Variants in WDFY3 observed in about 807,000 individuals in gnomAD.
WDFY3 encodes WD repeat and FYVE domain-containing protein 3.
In WDFY3, 66 loss-of-function variants were observed where a neutral mutation model predicts 409.6. The ratio of observed to expected loss-of-function variants is 0.16; its 90% CI spans 0.13 to 0.20. The LOEUF (loss-of-function observed/expected upper bound fraction) is 0.20, where lower values mean the gene tolerates loss of function less well. Ranked by LOEUF, WDFY3 falls within the 10% of genes least tolerant of loss-of-function variation. The probability of loss-of-function intolerance (pLI) is 1.00; values close to 1 mark genes in which losing one functional copy is unlikely to be tolerated. For missense variants in WDFY3, 3,031 were observed against 4,298.1 expected, an observed-to-expected ratio of 0.71 and a Z score of 8.24; for synonymous variants, 1,521 against 1,537.1, an observed-to-expected ratio of 0.99 and a Z score of 0.25.
chr4:84,721,517 C>T lies in WDFY3; in HGVS notation c.7497G>A (p.Glu2499=), dbSNP rs1560598325. 2 of 1,611,918 alleles carry T rather than the reference C, an allele frequency of 1.2e-6. No individual in the cohort carries two copies. Among genetic ancestry groups the T allele is most frequent in the Non-Finnish European group, 1.7e-6 (2 of 1,180,028 alleles). ...GGTCTTGTAGCTGCTCCTGGTTCTC[C>T]TCATCTCCTCCATCAGGTGCAGATC... The part of the protein sequence containing the change: ...RSRSAPDGGD[E]ENQEQLQDQI... The change falls in exon 47 of 68, where the codon GAG becomes GAA. Residue 2499 remains glutamate, a synonymous_variant. Coordinates refer to ENST00000295888, the MANE Select transcript of WDFY3 (RefSeq NM_014991.6).
At chr4:84,749,694 G>A (rs1274014595) in intron 36 of WDFY3, among the ~76,000 whole-genome samples, 3 of 152,150 alleles carry the variant, frequency 2.0e-5, no homozygotes, top group African/African-American at 4.8e-5. Flanking sequence ...ATACACCAAG[G>A]CACTGTGCTA....
At chr4:84,746,526 T>G (rs980051383) in intron 36 of WDFY3, among the ~76,000 whole-genome samples, 21 of 152,172 alleles carry the variant, frequency 1.4e-4, no homozygotes, top group African/African-American at 5.1e-4. Context: ...TAACACTGGC[T>G]CAGTCATCAA....
At position 84,836,919 on chromosome 4, in the gene WDFY3, C is replaced by A. The variant is rs562711198; in HGVS notation, c.576+10G>T. 5 of 1,508,962 alleles carry A rather than the reference C, an allele frequency of 3.3e-6. No homozygotes were observed. The Admixed American group carries it at 8.1e-5, about 24-fold the overall frequency. 93.5% of individuals were successfully genotyped at this position (1,508,962 alleles called of 1,614,324 possible). On this transcript the variant is annotated intron_variant, in intron 7 of 67. Coordinates refer to ENST00000295888, the MANE Select transcript of WDFY3 (RefSeq NM_014991.6). Reference sequence around the variant, plus strand: ...ATAGGGTGGAGGTAGGCAAATAGCACCTTTCATACCTGTACAAAAACTTTC... The same window carrying A: ...ATAGGGTGGAGGTAGGCAAATAGCAACTTTCATACCTGTACAAAAACTTTC...
intron 46 of WDFY3, among the ~76,000 whole-genome samples, chr4:84,722,996 C>T (rs1735083857): frequency 6.6e-6 from 1 of 152,196 alleles, no homozygotes; most frequent in South Asian, 2.1e-4. Flanking sequence ...CTATGTCTAG[C>T]ATAATACCCT....
At chr4:84,737,391 C>T in intron 40 of WDFY3, 25 bp from the exon 41 acceptor site, 1 of 1,521,002 alleles carries the variant, frequency 6.6e-7, no homozygotes, top group Middle Eastern at 2.0e-4. Flanking sequence ...AACAAACAAA[C>T]AAAAAAGTAA....
intron 10 of WDFY3, among the ~76,000 whole-genome samples, chr4:84,822,556 G>A (rs1199612413): frequency 6.6e-6 from 1 of 151,972 alleles, no homozygotes; most frequent in Non-Finnish European, 1.5e-5. Context: ...AAATTTAGCT[G>A]GGGATGGTGG....
At chr4:84,869,192 T>C (rs79957484) in intron 3 of WDFY3, among the ~76,000 whole-genome samples, 2,282 of 152,300 alleles carry the variant, frequency 0.015, 20 homozygotes, top group Middle Eastern at 0.034. Context: ...CTTGGCATCA[T>C]TAGGAATTTA....
chr4:84,879,100 A>C (rs1486991371), intron 3 of WDFY3, among the ~76,000 whole-genome samples: 1 of 152,166 alleles, frequency 6.6e-6, no homozygotes, highest in Admixed American at 6.6e-5. Flanking sequence ...GCAAGGTATA[A>C]AAAGGCTGCT....
intron 35 of WDFY3, among the ~76,000 whole-genome samples, chr4:84,753,011 A>G (rs1218980790): frequency 6.6e-6 from 1 of 152,204 alleles, no homozygotes; most frequent in Non-Finnish European, 1.5e-5. Flanking sequence ...TACTGTAATG[A>G]ATAGTATTTA....
At chr4:84,960,095 ACCTT>A (rs1247475147) in intron 1 of WDFY3, among the ~76,000 whole-genome samples, 1 of 152,128 alleles carries the variant, frequency 6.6e-6, no homozygotes, top group Non-Finnish European at 1.5e-5. Flanking sequence ...CTTCCCATTA[ACCTT>A]CCTAATTTCA....
intron 7 of WDFY3, among the ~76,000 whole-genome samples, chr4:84,834,409 G>A (rs777902725): frequency 3.9e-5 from 6 of 152,084 alleles, no homozygotes; most frequent in Non-Finnish European, 8.8e-5. Flanking sequence ...CACTTTGGGA[G>A]GCTGAGGCGG....
At chr4:84,673,498 G>C (rs17376461) in intron 67 of WDFY3, among the ~76,000 whole-genome samples, 1 of 152,094 alleles carries the variant, frequency 6.6e-6, no homozygotes, top group Non-Finnish European at 1.5e-5. Flanking sequence ...AGAAATATGA[G>C]TTTGATCACT....
intron 12 of WDFY3, among the ~76,000 whole-genome samples, chr4:84,818,962 A>G (rs933666894): frequency 1.3e-5 from 2 of 152,042 alleles, no homozygotes; most frequent in African/African-American, 2.4e-5. Context: ...CTGTTAGTCT[A>G]TCTTCATTAT....
intron 56 of WDFY3, among the ~76,000 whole-genome samples, chr4:84,699,048 T>C (rs1264119078): frequency 3.9e-5 from 6 of 152,100 alleles, no homozygotes; most frequent in Non-Finnish European, 7.4e-5. Context: ...CAAACTGTTT[T>C]TTTTTTTTTC....
At chr4:84,699,785 G>A (rs1730782730) in intron 56 of WDFY3, among the ~76,000 whole-genome samples, 1 of 151,680 alleles carries the variant, frequency 6.6e-6, no homozygotes, top group Non-Finnish European at 1.5e-5. Context: ...TTGTGGTTTT[G>A]ATTTGCATTC....
In WDFY3 at chr4:84,767,531, G is replaced by A. The variant is rs1208178253; in HGVS notation, c.4850-1159C>T. ...GAAAGATCAGACAAGCCCAAAGCTG[G>A]CCTCTTGTGCTAAAAAGTTAGCTAA... On this transcript the variant is annotated intron_variant, in intron 30 of 67. Coordinates refer to ENST00000295888, the MANE Select transcript of WDFY3 (RefSeq NM_014991.6). 5.9e-5 allele frequency among the ~76,000 whole-genome samples: 9 copies of A among 152,040 alleles called. No homozygotes were observed. The East Asian group carries it at 1.5e-3, about 26-fold the overall frequency.
At chr4:84,698,832 C>T (rs1427267197) in intron 56 of WDFY3, among the ~76,000 whole-genome samples, 1 of 152,070 alleles carries the variant, frequency 6.6e-6, no homozygotes, top group Admixed American at 6.5e-5. Context: ...GGATTACAGG[C>T]ACACACCACG....
chr4:84,847,069 G>A (rs1314208842), intron 5 of WDFY3, among the ~76,000 whole-genome samples: 2 of 152,014 alleles, frequency 1.3e-5, no homozygotes, highest in Non-Finnish European at 1.5e-5. Flanking sequence ...GCATTGAGGG[G>A]CACAAGGCAC....
At chr4:84,847,445 T>G (rs980898785) in intron 5 of WDFY3, among the ~76,000 whole-genome samples, 1 of 151,724 alleles carries the variant, frequency 6.6e-6, no homozygotes, top group African/African-American at 2.4e-5. Context: ...AAGAAACAGA[T>G]TATTTATGGA....
Sources: allele counts gnomAD v4.1 joint callset (sites outside exome capture counted in the v4.1 genomes callset), GRCh38; gene constraint gnomAD v4.1.1; transcripts MANE v1.5; gene names NCBI Gene and HGNC (gene_info 2026-07-23, HGNC 2026-07-21).